The following ATF6 variants were observed in gnomAD, a reference collection of about 807,000 sequenced individuals.
The protein encoded by ATF6 is cyclic AMP-dependent transcription factor ATF-6 alpha.
A neutral mutation model predicts 83.6 loss-of-function variants in ATF6; 53 were observed. The ratio of observed to expected loss-of-function variants is 0.63; its 90% CI spans 0.51 to 0.80. The LOEUF (loss-of-function observed/expected upper bound fraction) is 0.80, where lower values mean the gene tolerates loss of function less well. Ranked by LOEUF, ATF6 falls within the 30% of genes least tolerant of loss-of-function variation. The pLI is 0.00. For synonymous variants in ATF6, 288 were observed against 285.8 expected, an observed-to-expected ratio of 1.01 and a Z score of -0.08; for missense variants, 744 against 797.9, an observed-to-expected ratio of 0.93 and a Z score of 0.81.
chr1:161,842,623 C>T (rs1261423185), intron 9 of ATF6, among the ~76,000 whole-genome samples: 5 of 152,158 alleles, frequency 3.3e-5, no homozygotes, highest in African/African-American at 1.2e-4. Context: ...GAAAACCAAA[C>T]AGCGTTATAT....
chr1:161,854,142 G>A (rs564677961), intron 12 of ATF6, among the ~76,000 whole-genome samples: 51 of 152,336 alleles, frequency 3.3e-4, no homozygotes, highest in African/African-American at 1.1e-3. Context: ...CTTCTCTGAA[G>A]AAGTTCCACT....
intron 9 of ATF6, among the ~76,000 whole-genome samples, chr1:161,843,067 A>G (rs1686396595): frequency 6.6e-6 from 1 of 152,214 alleles, no homozygotes; most frequent in South Asian, 2.1e-4. Context: ...AGCTCGGCGC[A>G]CAAGTCAAGA....
intron 10 of ATF6, among the ~76,000 whole-genome samples, chr1:161,850,410 G>T (rs1237859467): frequency 6.6e-6 from 1 of 151,876 alleles, no homozygotes; most frequent in Non-Finnish European, 1.5e-5. Flanking sequence ...TAGAGGCGGC[G>T]TCTTCTCATC....
rs1036643796 is a variant in ATF6, at chr1:161,792,392, A to G, written c.688+65A>G. 7 of 1,445,468 alleles carry G rather than the reference A, an allele frequency of 4.8e-6. No homozygotes were observed. The Admixed American group carries it at 1.3e-4, about 27-fold the overall frequency. 89.5% of individuals were successfully genotyped at this position (1,445,468 alleles called of 1,614,324 possible). On this transcript the variant is annotated intron_variant, in intron 6 of 15. Transcript: ENST00000367942. ...AGGGCAGTAAGGGTTGTGTCATATG[A>G]TTTGTTTTAATTCAGGTTATAATTT...
At chr1:161,843,070 A>G (rs1182915943) in intron 9 of ATF6, among the ~76,000 whole-genome samples, 1 of 152,250 alleles carries the variant, frequency 6.6e-6, no homozygotes, top group East Asian at 1.9e-4. Context: ...TCGGCGCACA[A>G]GTCAAGAATT....
chr1:161,892,628 C>CTTTTT lies in ATF6; in HGVS notation c.1720-19653_1720-19649dup, dbSNP rs773642361. Among the ~76,000 whole-genome samples, 538 of 124,660 alleles carry CTTTTT rather than the reference C, an allele frequency of 4.3e-3. 15 individuals carry two copies. The highest frequency in any genetic ancestry group is 0.015 in the African/African-American group (492 of 32,542). The allele number at this position is 124,660 out of a possible 152,430, so 81.8% of individuals were successfully genotyped here. The stretch of plus-strand genomic sequence containing the variant: ...TCCCTCTCAGGTTATACAGGTCATT[C>CTTTTT]TTTTTTTTTTTTTTTTTTTGAGATG... On this transcript the variant is annotated intron_variant, in intron 14 of 15. Transcript: ENST00000367942.
At chr1:161,804,180 A>T (rs1209423594) in intron 7 of ATF6, among the ~76,000 whole-genome samples, 7 of 152,084 alleles carry the variant, frequency 4.6e-5, no homozygotes, top group Non-Finnish European at 1.0e-4. Flanking sequence ...TGTTTCTTAT[A>T]TAATACCCCC....
At chr1:161,941,745 GTCTTAAAAA>G (rs1021160280) in intron 15 of ATF6, among the ~76,000 whole-genome samples, 2 of 152,166 alleles carry the variant, frequency 1.3e-5, no homozygotes, top group African/African-American at 4.8e-5. Context: ...AGGATAACTT[GTCTTAAAAA>G]TGAAAAAGGG....
chr1:161,850,205 C>T (rs373027407), intron 10 of ATF6, among the ~76,000 whole-genome samples: 2 of 152,166 alleles, frequency 1.3e-5, no homozygotes, highest in African/African-American at 2.4e-5. Context: ...CTTCTTATTA[C>T]ATTTAGTAAT....
chr1:161,844,037 T>G (rs903818352), intron 9 of ATF6, among the ~76,000 whole-genome samples: 5 of 152,078 alleles, frequency 3.3e-5, no homozygotes, highest in Admixed American at 6.6e-5. Context: ...GGACTTAGGG[T>G]TTTAATTACA....
chr1:161,815,541 T>C (rs1368044685), intron 7 of ATF6, among the ~76,000 whole-genome samples: 1 of 151,978 alleles, frequency 6.6e-6, no homozygotes, highest in Non-Finnish European at 1.5e-5. Context: ...GCTCATTTCT[T>C]AGCAACATCA....
chr1:161,905,692 A>G (rs1030045167), intron 14 of ATF6, among the ~76,000 whole-genome samples: 3 of 152,204 alleles, frequency 2.0e-5, no homozygotes, highest in African/African-American at 4.8e-5. Flanking sequence ...ACAAATTACA[A>G]TTGCTAATAA....
intron 9 of ATF6, among the ~76,000 whole-genome samples, chr1:161,824,812 G>C (rs1487634283): frequency 6.6e-6 from 1 of 152,228 alleles, no homozygotes; most frequent in Non-Finnish European, 1.5e-5. Flanking sequence ...CTTAATGTTT[G>C]CCAGGTACTG....
chr1:161,857,410 G>A (rs1399405767), intron 12 of ATF6, among the ~76,000 whole-genome samples: 1 of 152,054 alleles, frequency 6.6e-6, no homozygotes, highest in Non-Finnish European at 1.5e-5. Context: ...CTGTTTCATA[G>A]TTCTACCCTC....
chr1:161,890,116 CAA>C (rs992650426), intron 14 of ATF6, among the ~76,000 whole-genome samples: 6 of 152,154 alleles, frequency 3.9e-5, no homozygotes, highest in African/African-American at 4.8e-5. Flanking sequence ...TTCCTAGAAA[CAA>C]GGGTATTCAC....
In ATF6 at chr1:161,963,458, A is replaced by G. The variant is rs552368024; in HGVS notation, c.*4804A>G. On this transcript the variant is annotated 3_prime_UTR_variant, in exon 16 of 16. Coordinates refer to ENST00000367942, the MANE Select transcript of ATF6 (RefSeq NM_007348.4). ...GATTTAGCACACTAAAATACTTTTAATTATATTAGGTTTGGTAACTAAGGA... is the reference window on the plus strand; with the variant it reads ...GATTTAGCACACTAAAATACTTTTAGTTATATTAGGTTTGGTAACTAAGGA... 1 of 152,190 alleles carries G rather than the reference A, an allele frequency of 6.6e-6. No individual in the cohort carries two copies. Among genetic ancestry groups the G allele is most frequent in the Admixed American group, 6.5e-5 (1 of 15,284 alleles). 9.4% of individuals were successfully genotyped at this position (152,190 alleles called of 1,614,324 possible). A position where few individuals can be genotyped will look rare whatever the true frequency, so the allele number is the denominator to read the frequency against.
chr1:161,770,093 C>G (rs1400841168), intron 1 of ATF6, among the ~76,000 whole-genome samples: 1 of 152,178 alleles, frequency 6.6e-6, no homozygotes, highest in Non-Finnish European at 1.5e-5. Context: ...TCTTCCCTAC[C>G]TCTGGTCAGG....
chr1:161,883,031 A>G (rs1687351886), intron 14 of ATF6, among the ~76,000 whole-genome samples: 1 of 151,806 alleles, frequency 6.6e-6, no homozygotes, highest in African/African-American at 2.4e-5. Context: ...CTTTCCCCCA[A>G]CTCCCCAGAA....
intron 15 of ATF6, among the ~76,000 whole-genome samples, chr1:161,917,476 AGTGGTGC>A (rs1430330918): frequency 4.0e-5 from 6 of 151,082 alleles, no homozygotes; most frequent in African/African-American, 1.5e-4. Flanking sequence ...GTTGGAATGC[AGTGGTGC>A]GATCTCAGCT....
Sources: allele counts gnomAD v4.1 joint callset (sites outside exome capture counted in the v4.1 genomes callset), GRCh38; gene constraint gnomAD v4.1.1; transcripts MANE v1.5; gene names NCBI Gene and HGNC (gene_info 2026-07-23, HGNC 2026-07-21).